HECW1: variants seen among roughly 807,000 people sequenced by gnomAD.
The protein encoded by HECW1 is E3 ubiquitin-protein ligase HECW1.
In HECW1, 61 loss-of-function variants were observed where a neutral mutation model predicts 182.3. That is an observed-to-expected ratio of 0.33 (90% CI 0.27 to 0.41). The LOEUF is 0.41. Ranked by LOEUF, HECW1 falls within the 10% of genes least tolerant of loss-of-function variation. The pLI is 1.00. For synonymous variants in HECW1, 859 were observed against 832.6 expected, an observed-to-expected ratio of 1.03 and a Z score of -0.55; for missense variants, 1,739 against 2,108.9, an observed-to-expected ratio of 0.82 and a Z score of 3.44.
intron 14 of HECW1, 105 bp downstream of exon 14, chr7:43,463,904 G>A (rs1478287738): frequency 3.1e-6 from 4 of 1,293,952 alleles, no homozygotes; most frequent in Non-Finnish European, 4.3e-6. Context: ...GTGCCCCAGG[G>A]TGAAGAGAGT....
At chr7:43,366,552 G>T (rs1816677318) in intron 6 of HECW1, among the ~76,000 whole-genome samples, 1 of 152,236 alleles carries the variant, frequency 6.6e-6, no homozygotes, top group Admixed American at 6.5e-5. Flanking sequence ...GTTGCCGACT[G>T]ATGGGACCAG....
At chr7:43,246,113 A>G (rs1799355310) in intron 3 of HECW1, among the ~76,000 whole-genome samples, 1 of 150,530 alleles carries the variant, frequency 6.6e-6, no homozygotes, top group African/African-American at 2.5e-5. Flanking sequence ...AGCCCGAGCC[A>G]TAGGGAGATC....
At position 43,479,825 on chromosome 7, in the gene HECW1, G is replaced by A. The variant is rs1006469998; in HGVS notation, c.3234+81G>A. On this transcript the variant is annotated intron_variant, in intron 17 of 29. Transcript: ENST00000395891. ...CATGGGAGCAGAACAGTTCTTCAGT[G>A]GCTAGGATCTAGGGTTGCCTGCGCT... The A allele has an allele frequency of 7.1e-6, 11 of 1,538,518 alleles. No homozygotes were observed. In the Admixed American group the frequency reaches 1.7e-4, roughly 24 times the overall value.
At chr7:43,180,497 G>A (rs56333180) in intron 2 of HECW1, among the ~76,000 whole-genome samples, 45,122 of 151,972 alleles carry the variant, frequency 0.3, 7,850 homozygotes, top group Non-Finnish European at 0.38. Flanking sequence ...CTGGGTTCAC[G>A]CCATTCTCCT....
Position 43,562,391 on chromosome 7 carries a change from G to C in HECW1, c.*465G>C, listed in dbSNP as rs2082230905. The C allele has an allele frequency of 4.4e-6, 1 of 229,278 alleles. No homozygotes were observed. The highest frequency in any genetic ancestry group is 2.2e-5 in the African/African-American group (1 of 45,044). 14.2% of individuals were successfully genotyped at this position (229,278 alleles called of 1,614,324 possible). ...TTTCTAATAACCAACTCCAGAACTAGGAGCTGATCAACTCTTTGTTTTCCT... is the reference window on the plus strand; with the variant it reads ...TTTCTAATAACCAACTCCAGAACTACGAGCTGATCAACTCTTTGTTTTCCT... On this transcript the variant is annotated 3_prime_UTR_variant, in exon 30 of 30. Coordinates refer to ENST00000395891, the MANE Select transcript of HECW1 (RefSeq NM_015052.5).
At chr7:43,156,910 C>T (rs1789939917) in intron 2 of HECW1, among the ~76,000 whole-genome samples, 2 of 152,156 alleles carry the variant, frequency 1.3e-5, no homozygotes, top group African/African-American at 4.8e-5. Context: ...AGCAGGCCTT[C>T]CCTACCCACC....
intron 9 of HECW1, among the ~76,000 whole-genome samples, chr7:43,442,233 A>T (rs926098998): frequency 6.6e-6 from 1 of 152,250 alleles, no homozygotes; most frequent in African/African-American, 2.4e-5. Context: ...TAAGTGTTCC[A>T]AGCACTTTTA....
Position 43,319,775 on chromosome 7 carries a change from A to ATTTTTTTTTT in HECW1, c.353-852_353-843dup, listed in dbSNP as rs10604163. 3.8e-5 allele frequency among the ~76,000 whole-genome samples: 4 copies of ATTTTTTTTTT among 105,496 alleles called. 1 individual carries two copies. The highest frequency in any genetic ancestry group is 5.1e-5 in the Non-Finnish European group (3 of 58,302). 69.2% of individuals were successfully genotyped at this position (105,496 alleles called of 152,430 possible). A position where few individuals can be genotyped will look rare whatever the true frequency, so the allele number is the denominator to read the frequency against. On this transcript the variant is annotated intron_variant, in intron 4 of 29. Transcript: ENST00000395891. ...CCACCACGCCTGGCTAATTTTTGTA[A>ATTTTTTTTTT]TTTTTTTTTTTTTTTTTGGTAGAGA...
At chr7:43,129,214 C>A (rs964478406) in intron 2 of HECW1, among the ~76,000 whole-genome samples, 1 of 152,156 alleles carries the variant, frequency 6.6e-6, no homozygotes, top group Non-Finnish European at 1.5e-5. Flanking sequence ...ACAGAGAAAT[C>A]TTTTGTGAAA....
Position 43,430,906 on chromosome 7 carries a change from C to T in HECW1, c.802-7097C>T, listed in dbSNP as rs1279777594. Reference sequence around the variant, plus strand: ...AAGCAATTCTCCTGCCTCAGCCTCCCAAGTAGCTGGGATTACAGGCGCATG... The same window carrying T: ...AAGCAATTCTCCTGCCTCAGCCTCCTAAGTAGCTGGGATTACAGGCGCATG... On this transcript the variant is annotated intron_variant, in intron 8 of 29. Transcript: ENST00000395891. Among the ~76,000 whole-genome samples the T allele has an allele frequency of 8.0e-5, 12 of 150,248 alleles. No homozygotes were observed. The South Asian group carries it at 2.3e-3, about 29-fold the overall frequency.
chr7:43,444,097 A>G lies in HECW1; in HGVS notation c.1046-121A>G, dbSNP rs1044949204. Reference sequence around the variant, plus strand: ...TCTGGCCAGTGAGAAACCCTCATCAACCTACATTCAATATCCTAATGTAGA... The same window carrying G: ...TCTGGCCAGTGAGAAACCCTCATCAGCCTACATTCAATATCCTAATGTAGA... On this transcript the variant is annotated intron_variant, in intron 10 of 29. Transcript: ENST00000395891. The surrounding 1 kb of genome is among the most constrained non-coding windows in gnomAD (Gnocchi z 4.3). 66 of 1,007,540 alleles carry G rather than the reference A, an allele frequency of 6.6e-5. No individual in the cohort carries two copies. The highest frequency in any genetic ancestry group is 8.7e-5 in the Non-Finnish European group (61 of 700,724). The allele number at this position is 1,007,540 out of a possible 1,614,324, so 62.4% of individuals were successfully genotyped here. A position where few individuals can be genotyped will look rare whatever the true frequency, so the allele number is the denominator to read the frequency against.
At chr7:43,278,853 C>T (rs933748569) in intron 3 of HECW1, among the ~76,000 whole-genome samples, 1 of 152,178 alleles carries the variant, frequency 6.6e-6, no homozygotes, top group African/African-American at 2.4e-5. Flanking sequence ...CTGCCTCACA[C>T]TCCACACCCT....
intron 3 of HECW1, among the ~76,000 whole-genome samples, chr7:43,303,309 G>T (rs1447857787): frequency 6.6e-6 from 1 of 151,890 alleles, no homozygotes; most frequent in Non-Finnish European, 1.5e-5. Flanking sequence ...TGGTGTGCGA[G>T]CGACAAGGAG....
At chr7:43,142,603 C>T (rs1285435443) in intron 2 of HECW1, among the ~76,000 whole-genome samples, 3 of 152,346 alleles carry the variant, frequency 2.0e-5, no homozygotes, top group East Asian at 3.9e-4. Flanking sequence ...TCTTTGCCCA[C>T]AGGCCTGGCC....
At chr7:43,202,799 A>C (rs1328534388) in intron 2 of HECW1, among the ~76,000 whole-genome samples, 2 of 152,204 alleles carry the variant, frequency 1.3e-5, no homozygotes, top group African/African-American at 4.8e-5. Flanking sequence ...AAGAATCACG[A>C]AAGAAGTGAA....
chr7:43,472,126 G>T (rs547533911), intron 16 of HECW1, among the ~76,000 whole-genome samples: 1 of 152,212 alleles, frequency 6.6e-6, no homozygotes, highest in African/African-American at 2.4e-5. Context: ...ATAAAACAGA[G>T]CAGCACTGAT....
intron 3 of HECW1, among the ~76,000 whole-genome samples, chr7:43,306,951 A>T (rs1357253526): frequency 6.6e-6 from 1 of 152,226 alleles, no homozygotes. Context: ...ATTAAGAAAA[A>T]AAGAAAAACA....
chr7:43,517,048 A>G (rs760141016), intron 24 of HECW1, among the ~76,000 whole-genome samples: 6 of 152,192 alleles, frequency 3.9e-5, no homozygotes, highest in Admixed American at 3.9e-4. Context: ...AAATGTGGTT[A>G]TGTGGCCTAT....
Position 43,262,252 on chromosome 7 carries a change from G to GTGTGTT in HECW1, c.27+18325_27+18326insTTGTGT, listed in dbSNP as rs773448239. 8.5e-3 allele frequency among the ~76,000 whole-genome samples: 1,297 copies of GTGTGTT among 151,962 alleles called. 14 individuals are homozygous for GTGTGTT. The highest frequency in any genetic ancestry group is 0.029 in the African/African-American group (1,219 of 41,406). On this transcript the variant is annotated intron_variant, in intron 3 of 29. Transcript: ENST00000395891. ...TATATATATATGTATGTGTGCGTGT[G>GTGTGTT]TGTGTGTGTGTGTATAACCTAAAGA...
Sources: gnomAD v4.1 joint callset for allele counts (sites outside exome capture counted in the v4.1 genomes callset) on GRCh38, gnomAD v4.1.1 for gene constraint, Gnocchi (gnomAD v3.1) non-coding constraint, MANE v1.5 for transcripts, NCBI Gene and HGNC (gene_info 2026-07-23, HGNC 2026-07-21) for gene names.